Variants in LTBR observed in about 807,000 individuals in gnomAD.
The protein encoded by LTBR is lymphotoxin beta receptor, also known as tumor necrosis factor receptor superfamily member 3.
LTBR carries 15 observed loss-of-function variants against 45.4 expected under a neutral mutation model. The observed-to-expected ratio is 0.33, with a 90% CI of 0.22 to 0.51. LTBR has a LOEUF of 0.51. LTBR is among the 20% of genes least tolerant of loss of function. LTBR has a pLI of 0.97. For missense variants in LTBR, 450 were observed against 565.5 expected (o/e 0.80, Z 2.07); for synonymous variants, 228 against 231.0 (o/e 0.99, Z 0.12).
intron 1 of LTBR, chr12:6,376,037 AG>A (rs1948902868): frequency 1.0e-6 from 1 of 992,158 alleles, no homozygotes; most frequent in African/African-American, 1.7e-5. Flanking sequence ...AAGGAGAGCA[AG>A]GGGGGAGTCC....
At position 6,384,597 on chromosome 12, in the gene LTBR, T is replaced by A. The variant is rs765203727; in HGVS notation, c.106T>A (p.Tyr36Asn). 1 of 1,614,102 alleles carries A rather than the reference T, an allele frequency of 6.2e-7. No homozygotes were observed. Residue 36 changes from tyrosine to asparagine, a missense_variant, in exon 2 of 10, where the codon TAT becomes AAT. By Grantham distance (143) the Tyr-to-Asn change is moderately radical (BLOSUM62 -2). This residue lies in a region of LTBR where 367 missense variants were observed against 435.4 expected (regional missense o/e 0.84). Transcript: ENST00000228918. ...CCATCTCCCTTTGAAGGTGCCTCCA[T>A]ATGCGTCGGAGAACCAGACCTGCAG... ...AASQPQAVPP[Y>N]ASENQTCRDQ...
At chr12:6,376,254 C>A in intron 1 of LTBR, 1 of 912,804 alleles carries the variant, frequency 1.1e-6, no homozygotes, top group Non-Finnish European at 1.3e-6. Context: ...TTCCTCGCCA[C>A]CCCCTCCAAC....
chr12:6,383,242 G>A (rs560099631), upstream of LTBR, among the ~76,000 whole-genome samples: 19 of 152,132 alleles, frequency 1.2e-4, no homozygotes, highest in South Asian at 1.2e-3. Flanking sequence ...AGAGAACCAC[G>A]TGTAAAAGGG....
At chr12:6,384,503 T>C (rs1267119781) in intron 1 of LTBR, 49 bp downstream of exon 1, 3 of 1,593,046 alleles carry the variant, frequency 1.9e-6, no homozygotes, top group Middle Eastern at 1.7e-4. Flanking sequence ...AAGAGGGATC[T>C]GGGCAGCCGT....
intron 4 of LTBR, 96 bp downstream of exon 4, chr12:6,385,475 C>CCCCA (rs1949029419): frequency 7.5e-7 from 1 of 1,330,136 alleles, no homozygotes; most frequent in African/African-American, 1.6e-5. Flanking sequence ...CACGGCGACC[C>CCCCA]CCCAGATCCT....
Position 6,390,667 on chromosome 12 carries a change from T to C in LTBR, c.1038T>C (p.Asn346=), listed in dbSNP as rs1363423473. Residue 346 remains asparagine (N), a synonymous_variant, in exon 10 of 10, where the codon AAT becomes AAC. Coordinates refer to ENST00000228918, the MANE Select transcript of LTBR (RefSeq NM_002342.3). ...GEQSQVAHGT[N]GIHVTGGSMT... ...CTGCCTCCCTTCCTACAGGTACCAA[T>C]GGCATTCATGTCACCGGCGGGTCTA... is the stretch of plus-strand genomic sequence containing the variant. The C allele has an allele frequency of 2.0e-6, 3 of 1,497,086 alleles. No individual in the cohort carries two copies. The highest frequency in any genetic ancestry group is 8.9e-7 in the Non-Finnish European group (1 of 1,123,628). 92.7% of individuals were successfully genotyped at this position (1,497,086 alleles called of 1,614,324 possible). A position where few individuals can be genotyped will look rare whatever the true frequency, so the allele number is the denominator to read the frequency against.
In LTBR at chr12:6,390,726, G is replaced by T. The variant is rs909683707; in HGVS notation, c.1097G>T (p.Gly366Val). ...TITGNIYIYN[G>V]PVLGGPPGPG... ...ACTGGCAACATCTACATCTACAATG[G>T]ACCAGTACTGGGGGGACCACCGGGT... is the stretch of plus-strand genomic sequence containing the variant. The change falls in exon 10 of 10, where the codon GGA becomes GTA. Residue 366 changes from glycine (G) to valine (V), a missense_variant. Physicochemically the swap from Gly to Val is moderately radical, Grantham distance 109. Transcript: ENST00000228918. The T allele has an allele frequency of 6.6e-7, 1 of 1,517,800 alleles. No homozygotes were observed. The highest frequency in any genetic ancestry group is 1.4e-5 in the African/African-American group (1 of 71,886). The allele number at this position is 1,517,800 out of a possible 1,614,324, so 94.0% of individuals were successfully genotyped here. A position where few individuals can be genotyped will look rare whatever the true frequency, so the allele number is the denominator to read the frequency against.
Position 6,384,372 on chromosome 12 carries a change from G to T in LTBR, c.14G>T (p.Trp5Leu). ...CGAGTGGCCGCCATGCTCCTGCCTT[G>T]GGCCACCTCTGCCCCCGGCCTGGCC... MLLPWATSAPGLAWG... is the reference protein window; with the variant it reads MLLPLATSAPGLAWG... Residue 5 changes from tryptophan to leucine, a missense_variant, in exon 1 of 10, where the codon TGG becomes TTG. Physicochemically the swap from Trp to Leu is moderately conservative, Grantham distance 61. Transcript: ENST00000228918. The T allele has an allele frequency of 6.5e-7, 1 of 1,530,136 alleles. No homozygotes were observed. The highest frequency in any genetic ancestry group is 1.2e-5 in the South Asian group (1 of 83,658). The allele number at this position is 1,530,136 out of a possible 1,614,324, so 94.8% of individuals were successfully genotyped here.
chr12:6,377,473 C>T lies in LTBR; in HGVS notation c.39+1879C>T, dbSNP rs947956386. 3 of 654,850 alleles carry T rather than the reference C, an allele frequency of 4.6e-6. No homozygotes were observed. The East Asian group carries it at 8.5e-5, about 18-fold the overall frequency. The allele number at this position is 654,850 out of a possible 1,614,324, so 40.6% of individuals were successfully genotyped here. A position where few individuals can be genotyped will look rare whatever the true frequency, so the allele number is the denominator to read the frequency against. On this transcript the variant is annotated intron_variant, in intron 1 of 9. Coordinates refer to the LTBR transcript ENST00000539925. ...TTCCTGAGACAGACTCATGGGGGAT[C>T]GGGGCTCAGGTGCACCTGGATGTGA...
rs1949049221 is a variant in LTBR at position 6,386,439 on chromosome 12, T to C, written c.662T>C (p.Met221Thr). 1 of 1,607,976 alleles carries C rather than the reference T, an allele frequency of 6.2e-7. No homozygotes were observed. Among genetic ancestry groups the C allele is most frequent in the East Asian group, 2.2e-5 (1 of 44,680 alleles). ...CCATTAGAGCCACTGCCCCCAGAGA[T>C]GTCAGGTGAGGGACCAGGGCTGAGG... Reference protein sequence around the residue: ...KNPLEPLPPEMSGTMLMLAVL... With the variant: ...KNPLEPLPPETSGTMLMLAVL... The change falls in exon 6 of 10, where the codon ATG (methionine) becomes ACG (threonine). Residue 221 changes from methionine (M) to threonine (T), a missense_variant. By Grantham distance (81) the Met-to-Thr change is moderately conservative (BLOSUM62 -1). Coordinates refer to ENST00000228918, the MANE Select transcript of LTBR (RefSeq NM_002342.3). This position sits in a 1 kb window ranked among gnomAD's most constrained non-coding sequence, Gnocchi z 4.1.
At chr12:6,381,092 C>T (rs757768699), upstream of LTBR, among the ~76,000 whole-genome samples, 3 of 152,110 alleles carry the variant, frequency 2.0e-5, no homozygotes, top group Non-Finnish European at 4.4e-5. Flanking sequence ...GTCTTTCAAA[C>T]AGAAGAAGTT....
rs771754297 is a variant in LTBR at position 6,377,286 on chromosome 12, G to C, written c.39+1692G>C. 18 of 1,549,754 alleles carry C rather than the reference G, an allele frequency of 1.2e-5. No homozygotes were observed. In the South Asian group the frequency reaches 2.1e-4, roughly 18 times the overall value. ...GCTCATGATACCTCCCCTTGGAAGGGACAGCTGGATTTTTCTTCATTGTCC... is the reference window on the plus strand; with the variant it reads ...GCTCATGATACCTCCCCTTGGAAGGCACAGCTGGATTTTTCTTCATTGTCC... On this transcript the variant is annotated intron_variant, in intron 1 of 9. Coordinates refer to the LTBR transcript ENST00000539925.
rs1260988401 is a variant in LTBR at position 6,388,185 on chromosome 12, A to C, written c.668-213A>C. ...ATGATACAGTCTCTCCTGGCTGCCA[A>C]GAGGTCCTCAAGTCCAACTTAGTTC... is the stretch of plus-strand genomic sequence containing the variant. On this transcript the variant is annotated intron_variant, in intron 6 of 9. Coordinates refer to ENST00000228918, the MANE Select transcript of LTBR (RefSeq NM_002342.3). This position sits in a 1 kb window ranked among gnomAD's most constrained non-coding sequence, Gnocchi z 4.3. 1.9e-5 allele frequency: 10 copies of C among 539,668 alleles called. No homozygotes were observed. The East Asian group carries it at 2.3e-4, about 12-fold the overall frequency. The allele number at this position is 539,668 out of a possible 1,614,324, so 33.4% of individuals were successfully genotyped here.
intron 8 of LTBR, 196 bp from the exon 9 acceptor site, chr12:6,389,905 TATGATTGCACC>T (rs1463793795): frequency 1.7e-6 from 1 of 571,908 alleles, no homozygotes; most frequent in Non-Finnish European, 3.1e-6. Flanking sequence ...TGCAGTGAGC[TATGATTGCACC>T]ACTGCACTGT....
At chr12:6,382,577 A>C (rs954852820), upstream of LTBR, among the ~76,000 whole-genome samples, 2 of 152,188 alleles carry the variant, frequency 1.3e-5, no homozygotes, top group African/African-American at 4.8e-5. Context: ...CTGTTCTGAT[A>C]CTTCTGCCCT....
At chr12:6,381,802 A>G (rs3759330), upstream of LTBR, among the ~76,000 whole-genome samples, 62,733 of 151,904 alleles carry the variant, frequency 0.41, 13,274 homozygotes, top group South Asian at 0.49. Context: ...GCGAAACCCC[A>G]TCTCTACTAA....
In LTBR at chr12:6,385,072, A is replaced by C. The variant is rs773713586; in HGVS notation, c.244A>C (p.Thr82Pro). 1.2e-6 allele frequency: 2 copies of C among 1,614,124 alleles called. No individual in the cohort carries two copies. Among genetic ancestry groups the C allele is most frequent in the East Asian group, 4.5e-5 (2 of 44,900 alleles). Reference protein sequence around the residue: ...CSRIRDTVCATCAENSYNEHW... With the variant: ...CSRIRDTVCAPCAENSYNEHW... ...CCGCATCCGGGACACAGTTTGTGCC[A>C]CATGTGCCGAGAATTCCTACAACGA... The change falls in exon 3 of 10, where the codon ACA becomes CCA. Residue 82 changes from threonine (T) to proline (P), a missense_variant. Physicochemically the swap from Thr to Pro is conservative, Grantham distance 38. This residue lies in a region of LTBR where 367 missense variants were observed against 435.4 expected (regional missense o/e 0.84). Transcript: ENST00000228918.
chr12:6,390,266 C>T lies in LTBR; in HGVS notation c.956C>T (p.Pro319Leu), dbSNP rs550280761. ...PAAPVLEAGV[P>L]QQQSPLDLTR... is the part of the protein sequence containing the mutation. ...GCCCCAGTTTTGGAGGCAGGGGTGC[C>T]GCAACAGCAGAGTCCTCTGGACCTG... The change falls in exon 9 of 10, where the codon CCG becomes CTG. Residue 319 changes from proline to leucine, a missense_variant. By Grantham distance (98) the Pro-to-Leu change is moderately conservative (BLOSUM62 -3). Around this residue, in one of 3 missense-constraint regions of LTBR, gnomAD observed 367 missense variants for 435.4 expected, o/e 0.84. Transcript: ENST00000228918. The T allele has an allele frequency of 8.1e-6, 13 of 1,613,818 alleles. No individual in the cohort carries two copies. In the Admixed American group the frequency reaches 1.2e-4, roughly 14 times the overall value.
chr12:6,383,992 A>T, upstream of LTBR: 1 of 1,123,990 alleles, frequency 8.9e-7, no homozygotes, highest in Non-Finnish European at 1.1e-6. Flanking sequence ...CGGGCTTCCG[A>T]AGAAGGGAGG....
Sources: gnomAD v4.1 joint callset for allele counts (sites outside exome capture counted in the v4.1 genomes callset) on GRCh38, gnomAD v4.1.1 for gene constraint, gnomAD v4.1.1 regional missense constraint, Gnocchi (gnomAD v3.1) non-coding constraint, MANE v1.5 for transcripts, NCBI Gene and HGNC (gene_info 2026-07-23, HGNC 2026-07-21) for gene names.